The following KDSR variants were observed in gnomAD, a reference collection of about 807,000 sequenced individuals.
KDSR encodes 3-dehydrosphinganine reductase.
KDSR carries 23 observed loss-of-function variants against 41.3 expected under a neutral mutation model. The ratio of observed to expected loss-of-function variants is 0.56; its 90% CI spans 0.40 to 0.79. The LOEUF (loss-of-function observed/expected upper bound fraction) is 0.79. KDSR is among the 30% of genes least tolerant of loss of function. The pLI is 0.00. For missense variants in KDSR, 351 were observed against 416.8 expected, an observed-to-expected ratio of 0.84 and a Z score of 1.37; for synonymous variants, 138 against 151.7, an observed-to-expected ratio of 0.91 and a Z score of 0.66.
In KDSR at chr18:63,329,582, T is replaced by A. The variant is rs1339009519; in HGVS notation, c.*2200A>T. On this transcript the variant is annotated 3_prime_UTR_variant, in exon 10 of 10. Coordinates refer to ENST00000645214, the MANE Select transcript of KDSR (RefSeq NM_002035.4). ...CTGCAAATCTGCTCTCATATTTCAGTGGAAATTGGGATAGGGACAATTGTC... is the reference window on the plus strand; with the variant it reads ...CTGCAAATCTGCTCTCATATTTCAGAGGAAATTGGGATAGGGACAATTGTC... The A allele has an allele frequency of 3.5e-5, 7 of 202,760 alleles. No homozygotes were observed. The highest frequency in any genetic ancestry group is 7.1e-5 in the Non-Finnish European group (7 of 98,874). The allele number at this position is 202,760 out of a possible 1,614,324, so 12.6% of individuals were successfully genotyped here.
intron 6 of KDSR, among the ~76,000 whole-genome samples, chr18:63,350,317 CTA>C (rs1914628921): frequency 6.6e-6 from 1 of 152,176 alleles, no homozygotes; most frequent in South Asian, 2.1e-4. Context: ...GTTCCATTAA[CTA>C]TGTAAATAAA....
chr18:63,339,664 G>C (rs1914286290), intron 7 of KDSR, among the ~76,000 whole-genome samples: 1 of 152,206 alleles, frequency 6.6e-6, no homozygotes, highest in African/African-American at 2.4e-5. Context: ...ACACATTATA[G>C]CTACTTGTGC....
chr18:63,333,881 G>T (rs2850767), intron 9 of KDSR, among the ~76,000 whole-genome samples: 79,397 of 151,910 alleles, frequency 0.52, 22,607 homozygotes, highest in Non-Finnish European at 0.64. Flanking sequence ...ATGGAAGAAT[G>T]TGAAGAACTG....
At chr18:63,357,575 T>TACATACATAC (rs1568282558) in intron 3 of KDSR, among the ~76,000 whole-genome samples, 1 of 107,366 alleles carries the variant, frequency 9.3e-6, no homozygotes, top group African/African-American at 3.2e-5. Context: ...TACATACATA[T>TACATACATAC]ATATATATAT....
rs185703370 is a variant in KDSR, at chr18:63,345,404, C to T, written c.610-911G>A. ...CACCCCCTCCCACAGACTGCTCAGC[C>T]ACAGCCCTGCTGCACATGCTTATCT... On this transcript the variant is annotated intron_variant, in intron 6 of 9. Transcript: ENST00000645214. The T allele has an allele frequency of 1.6e-3, 247 of 152,620 alleles. 1 individual carries two copies. Among genetic ancestry groups the T allele is most frequent in the Non-Finnish European group, 2.6e-3 (178 of 68,186 alleles). 9.5% of individuals were successfully genotyped at this position (152,620 alleles called of 1,614,324 possible). A position where few individuals can be genotyped will look rare whatever the true frequency, so the allele number is the denominator to read the frequency against.
intron 2 of KDSR, among the ~76,000 whole-genome samples, chr18:63,362,386 A>C (rs1915015541): frequency 2.6e-5 from 4 of 152,232 alleles, no homozygotes; most frequent in Admixed American, 2.6e-4. Context: ...TCGTAGTGAA[A>C]AATTATAGAG....
At chr18:63,361,016 A>AT (rs1555715420) in intron 2 of KDSR, among the ~76,000 whole-genome samples, 17 of 110,768 alleles carry the variant, frequency 1.5e-4, no homozygotes, top group South Asian at 1.1e-3. Context: ...ATATATATAT[A>AT]AAATATATAA....
chr18:63,350,881 C>G lies in KDSR; in HGVS notation c.609+7G>C. ...GGAATAAATACAAAAATGAATACAA[C>G]TTTTACCTCCATCTGCAAAGCTTCT... On this transcript the variant is annotated splice_region_variant and intron_variant, in intron 6 of 9. Transcript: ENST00000645214. 21 of 1,603,066 alleles carry G rather than the reference C, an allele frequency of 1.3e-5. No individual in the cohort carries two copies. Among genetic ancestry groups the G allele is most frequent in the Non-Finnish European group, 1.7e-5 (20 of 1,172,314 alleles).
intron 6 of KDSR, among the ~76,000 whole-genome samples, chr18:63,349,780 C>T: frequency 6.6e-6 from 1 of 152,238 alleles, no homozygotes; most frequent in East Asian, 1.9e-4. Flanking sequence ...ATCTGGCCCT[C>T]TGCCTGTTTT....
intron 3 of KDSR, among the ~76,000 whole-genome samples, chr18:63,357,584 A>T (rs1914833919): frequency 1.7e-5 from 1 of 59,634 alleles, no homozygotes; most frequent in Non-Finnish European, 3.1e-5. Context: ...ATATATATAT[A>T]TATATATATA....
intron 7 of KDSR, among the ~76,000 whole-genome samples, chr18:63,341,408 C>A (rs1914336202): frequency 6.8e-6 from 1 of 147,248 alleles, no homozygotes. Context: ...ATAAAGATTT[C>A]AACAAAAAGG....
chr18:63,331,680 C>T lies in KDSR; in HGVS notation c.*102G>A, dbSNP rs755592290. 40 of 1,170,456 alleles carry T rather than the reference C, an allele frequency of 3.4e-5. No homozygotes were observed. The highest frequency in any genetic ancestry group is 1.1e-4 in the African/African-American group (7 of 65,502). 72.5% of individuals were successfully genotyped at this position (1,170,456 alleles called of 1,614,324 possible). A position where few individuals can be genotyped will look rare whatever the true frequency, so the allele number is the denominator to read the frequency against. On this transcript the variant is annotated 3_prime_UTR_variant, in exon 10 of 10. Transcript: ENST00000645214. The stretch of plus-strand genomic sequence containing the variant: ...GAGCACTGGTCCAATCTGACGTATT[C>T]GAAAACAATACATAAGTGTCTATAG...
intron 6 of KDSR, among the ~76,000 whole-genome samples, chr18:63,348,902 G>T (rs1463479975): frequency 2.0e-5 from 3 of 152,196 alleles, no homozygotes; most frequent in East Asian, 3.8e-4. Context: ...GCCAGGTGAA[G>T]CAACTAGCTG....
intron 3 of KDSR, among the ~76,000 whole-genome samples, chr18:63,357,698 G>T (rs1914841790): frequency 6.6e-6 from 1 of 150,512 alleles, no homozygotes; most frequent in African/African-American, 2.4e-5. Flanking sequence ...TGATTCTCCT[G>T]CCTCAGCCTC....
At position 63,359,135 on chromosome 18, in the gene KDSR, C is replaced by T. The variant is rs569022012; in HGVS notation, c.255+601G>A. Among the ~76,000 whole-genome samples the T allele has an allele frequency of 2.9e-4, 41 of 142,616 alleles. 1 individual carries two copies. In the South Asian group the frequency reaches 8.8e-3, roughly 31 times the overall value. The allele number at this position is 142,616 out of a possible 152,430, so 93.6% of individuals were successfully genotyped here. A position where few individuals can be genotyped will look rare whatever the true frequency, so the allele number is the denominator to read the frequency against. ...TCGAGGCTGCAGTGAGCTGAGATCG[C>T]ACCCCTGCACTCCAGCCTGGATGAC... On this transcript the variant is annotated intron_variant, in intron 3 of 9. Transcript: ENST00000645214.
intron 6 of KDSR, chr18:63,344,727 T>C (rs1463646203): frequency 1.4e-5 from 6 of 421,600 alleles, no homozygotes; most frequent in South Asian, 8.1e-5. Flanking sequence ...CCCTAAAGTA[T>C]GGCAAGTCAC....
chr18:63,337,958 A>T lies in KDSR; in HGVS notation c.777+842T>A, dbSNP rs189740072. Among the ~76,000 whole-genome samples, 275 of 152,308 alleles carry T rather than the reference A, an allele frequency of 1.8e-3. 3 individuals carry two copies. In the South Asian group the frequency reaches 0.024, roughly 13 times the overall value. ...CAAACAAACAAACAAAACAACAACA[A>T]CAACAAAAAACACCAAATGCATTTG... On this transcript the variant is annotated intron_variant, in intron 8 of 9. Transcript: ENST00000645214.
At position 63,330,126 on chromosome 18, in the gene KDSR, T is replaced by A. The variant is rs552549977; in HGVS notation, c.*1656A>T. 4.2e-5 allele frequency: 8 copies of A among 191,014 alleles called. No individual in the cohort carries two copies. Among genetic ancestry groups the A allele is most frequent in the Non-Finnish European group, 6.6e-5 (6 of 91,204 alleles). The allele number at this position is 191,014 out of a possible 1,614,324, so 11.8% of individuals were successfully genotyped here. On this transcript the variant is annotated 3_prime_UTR_variant, in exon 10 of 10. Coordinates refer to ENST00000645214, the MANE Select transcript of KDSR (RefSeq NM_002035.4). ...TAAAGCCATAAAACATCTTATTTTT[T>A]AAAAAGTTAAGTCATTTAAAGTCAA...
chr18:63,356,069 C>T (rs1242491998), intron 3 of KDSR, among the ~76,000 whole-genome samples: 1 of 152,160 alleles, frequency 6.6e-6, no homozygotes, highest in East Asian at 1.9e-4. Context: ...TGGATTTTAT[C>T]CCAACATCCT....
Sources: allele counts gnomAD v4.1 joint callset (sites outside exome capture counted in the v4.1 genomes callset), GRCh38; gene constraint gnomAD v4.1.1; transcripts MANE v1.5; gene names NCBI Gene and HGNC (gene_info 2026-07-23, HGNC 2026-07-21).